Variants in MLLT3 observed in about 807,000 individuals in gnomAD.
MLLT3 encodes protein AF-9.
MLLT3 carries 4 observed loss-of-function variants against 53.2 expected under a neutral mutation model. The ratio of observed to expected loss-of-function variants is 0.08; its 90% CI spans 0.04 to 0.17. The LOEUF (loss-of-function observed/expected upper bound fraction) is 0.17, where lower values mean the gene tolerates loss of function less well. MLLT3 is among the 10% of genes least tolerant of loss of function. The pLI is 1.00. For missense variants in MLLT3, 569 were observed against 684.0 expected, an observed-to-expected ratio of 0.83 and a Z score of 1.87; for synonymous variants, 283 against 230.6, an observed-to-expected ratio of 1.23 and a Z score of -2.06.
At chr9:20,479,443 C>A (rs1431314454) in intron 2 of MLLT3, among the ~76,000 whole-genome samples, 1 of 152,098 alleles carries the variant, frequency 6.6e-6, no homozygotes, top group Non-Finnish European at 1.5e-5. Flanking sequence ...GATTTCCTTT[C>A]CTTACTCTAA....
intron 2 of MLLT3, among the ~76,000 whole-genome samples, chr9:20,610,224 T>C (rs1189905613): frequency 6.6e-6 from 1 of 152,136 alleles, no homozygotes; most frequent in African/African-American, 2.4e-5. Flanking sequence ...AAAAGGCTGG[T>C]TGTATTTCAT....
At position 20,366,610 on chromosome 9, in the gene MLLT3, A is replaced by G. The variant is rs562601510; in HGVS notation, c.1126-866T>C. ...GTATTTCTGGTTCTAGATCCTTGAG[A>G]AATCCCACACTGTCTTCCACAATGG... On this transcript the variant is annotated intron_variant, in intron 5 of 10. Coordinates refer to ENST00000380338, the MANE Select transcript of MLLT3 (RefSeq NM_004529.4). Among the ~76,000 whole-genome samples the G allele has an allele frequency of 6.0e-3, 917 of 152,294 alleles. 9 individuals are homozygous for G. The highest frequency in any genetic ancestry group is 0.021 in the African/African-American group (874 of 41,568).
intron 2 of MLLT3, among the ~76,000 whole-genome samples, chr9:20,547,777 C>T (rs1818828390): frequency 1.3e-5 from 2 of 151,796 alleles, no homozygotes; most frequent in South Asian, 2.1e-4. Flanking sequence ...AGAACAATAA[C>T]TTGCCTCTAC....
At chr9:20,385,756 T>C (rs1037336569) in intron 5 of MLLT3, among the ~76,000 whole-genome samples, 21 of 152,310 alleles carry the variant, frequency 1.4e-4, no homozygotes, top group African/African-American at 4.3e-4. Flanking sequence ...CCTAGGATAA[T>C]GTTTTCTCAA....
At chr9:20,525,342 C>CA (rs1818174151) in intron 2 of MLLT3, among the ~76,000 whole-genome samples, 1 of 151,900 alleles carries the variant, frequency 6.6e-6, no homozygotes, top group Non-Finnish European at 1.5e-5. Flanking sequence ...ACTAAAAGTA[C>CA]AAAAATTACC....
chr9:20,532,487 T>C lies in MLLT3; in HGVS notation c.194-75701A>G, dbSNP rs2118997738. 4 of 182,352 alleles carry C rather than the reference T, an allele frequency of 2.2e-5. 1 individual carries two copies. In the East Asian group the frequency reaches 5.2e-4, roughly 24 times the overall value. The allele number at this position is 182,352 out of a possible 1,614,324, so 11.3% of individuals were successfully genotyped here. A position where few individuals can be genotyped will look rare whatever the true frequency, so the allele number is the denominator to read the frequency against. On this transcript the variant is annotated intron_variant, in intron 2 of 10. Coordinates refer to ENST00000380338, the MANE Select transcript of MLLT3 (RefSeq NM_004529.4). Reference sequence around the variant, plus strand: ...CTACATTTTCAACTTGTATCATAAATTCTGTCCTAGGTCATTAGAACATTT... The same window carrying C: ...CTACATTTTCAACTTGTATCATAAACTCTGTCCTAGGTCATTAGAACATTT...
At chr9:20,355,150 G>C (rs1821141143) in intron 8 of MLLT3, among the ~76,000 whole-genome samples, 1 of 145,660 alleles carries the variant, frequency 6.9e-6, no homozygotes, top group African/African-American at 2.6e-5. Flanking sequence ...ATTGATCTAA[G>C]CTTCCAAGGC....
chr9:20,611,421 A>T (rs1820699640), intron 2 of MLLT3, among the ~76,000 whole-genome samples: 1 of 152,100 alleles, frequency 6.6e-6, no homozygotes, highest in Non-Finnish European at 1.5e-5. Context: ...ATCAATATAC[A>T]CACACAGAGC....
chr9:20,584,582 A>G (rs993461503), intron 2 of MLLT3, among the ~76,000 whole-genome samples: 1 of 152,238 alleles, frequency 6.6e-6, no homozygotes, highest in South Asian at 2.1e-4. Context: ...AAGGCACTTC[A>G]TACATGGCAG....
At position 20,620,293 on chromosome 9, in the gene MLLT3, A is replaced by ACACACACGCGCGCGCG. The variant is rs1176274864; in HGVS notation, c.193+360_193+361insCGCGCGCGCGTGTGTG. On this transcript the variant is annotated intron_variant, in intron 2 of 10. Transcript: ENST00000380338. The surrounding 1 kb of genome is among the most constrained non-coding windows in gnomAD (Gnocchi z 6.1). The stretch of plus-strand genomic sequence containing the variant: ...CACACACACACACACACACACACAC[A>ACACACACGCGCGCGCG]CGCGCAAAGTGTTTATTCCCTCCAG... Among the ~76,000 whole-genome samples, 3 of 145,962 alleles carry ACACACACGCGCGCGCG rather than the reference A, an allele frequency of 2.1e-5. No homozygotes were observed. The highest frequency in any genetic ancestry group is 7.5e-5 in the African/African-American group (3 of 39,816).
chr9:20,483,241 AT>A (rs201384457), intron 2 of MLLT3, among the ~76,000 whole-genome samples: 107,166 of 148,686 alleles, frequency 0.72, 38,324 homozygotes, highest in Middle Eastern at 0.86. Context: ...TATTATTATT[AT>A]TTTTTTTTTT....
chr9:20,397,944 T>G (rs139622263), intron 5 of MLLT3, among the ~76,000 whole-genome samples: 3 of 152,194 alleles, frequency 2.0e-5, no homozygotes, highest in African/African-American at 7.2e-5. Context: ...AAGACCCTAA[T>G]TTTTAGGGGA....
At chr9:20,415,490 G>A (rs1822848429) in intron 4 of MLLT3, 1 of 951,344 alleles carries the variant, frequency 1.1e-6, no homozygotes, top group African/African-American at 1.8e-5. Flanking sequence ...AGAAGATCCT[G>A]GACATGCAAA....
chr9:20,585,340 T>C (rs1220535843), intron 2 of MLLT3, among the ~76,000 whole-genome samples: 2 of 152,134 alleles, frequency 1.3e-5, no homozygotes, highest in African/African-American at 4.8e-5. Context: ...ACTAATTCCA[T>C]CAGATCAGGG....
chr9:20,464,673 AG>A (rs1283557936), intron 2 of MLLT3, among the ~76,000 whole-genome samples: 1 of 152,062 alleles, frequency 6.6e-6, no homozygotes, highest in Non-Finnish European at 1.5e-5. Flanking sequence ...AAAAGCGGGG[AG>A]GGTATGTGTT....
intron 10 of MLLT3, among the ~76,000 whole-genome samples, chr9:20,351,889 G>C (rs926557594): frequency 6.6e-6 from 1 of 152,202 alleles, no homozygotes; most frequent in Non-Finnish European, 1.5e-5. Flanking sequence ...ATAATCACAA[G>C]CCTCAGCTGC....
At chr9:20,359,270 T>C (rs1821258265) in intron 8 of MLLT3, among the ~76,000 whole-genome samples, 2 of 152,084 alleles carry the variant, frequency 1.3e-5, no homozygotes, top group Non-Finnish European at 2.9e-5. Flanking sequence ...CAGTCCAGTG[T>C]TCTCAGCTGA....
chr9:20,512,629 C>G (rs1322156852), intron 2 of MLLT3, among the ~76,000 whole-genome samples: 2 of 152,218 alleles, frequency 1.3e-5, no homozygotes, highest in Non-Finnish European at 2.9e-5. Context: ...TGCTGTTTCA[C>G]TAGCATGCCA....
intron 2 of MLLT3, among the ~76,000 whole-genome samples, chr9:20,497,595 ATTACT>A (rs1825111092): frequency 6.6e-6 from 1 of 152,170 alleles, no homozygotes; most frequent in African/African-American, 2.4e-5. Flanking sequence ...AATTATTTAA[ATTACT>A]TTGAGAATCA....
Sources: gnomAD v4.1 joint callset for allele counts (sites outside exome capture counted in the v4.1 genomes callset) on GRCh38, gnomAD v4.1.1 for gene constraint, Gnocchi (gnomAD v3.1) non-coding constraint, MANE v1.5 for transcripts, NCBI Gene and HGNC (gene_info 2026-07-23, HGNC 2026-07-21) for gene names.